The following ARHGAP32 variants were observed in gnomAD, a reference collection of about 807,000 sequenced individuals.
ARHGAP32 encodes rho GTPase-activating protein 32.
Under a neutral mutation model 186.5 loss-of-function variants are expected in ARHGAP32, and 51 were observed. That is an observed-to-expected ratio of 0.27 (90% CI 0.22 to 0.35). The LOEUF is 0.35. ARHGAP32 is among the 10% of genes least tolerant of loss of function. The pLI is 1.00. For missense variants in ARHGAP32, 2,186 were observed against 2,623.5 expected, an observed-to-expected ratio of 0.83 and a Z score of 3.64; for synonymous variants, 950 against 964.3, an observed-to-expected ratio of 0.99 and a Z score of 0.27.
chr11:128,980,884 AG>A, intron 17 of ARHGAP32, 136 bp from the exon 18 acceptor site: 1 of 614,518 alleles, frequency 1.6e-6, no homozygotes, highest in Middle Eastern at 4.0e-4. Flanking sequence ...CAAAAACCAT[AG>A]TGCTTTATAT....
At chr11:129,178,153 C>A (rs1943962205) in intron 1 of ARHGAP32, among the ~76,000 whole-genome samples, 1 of 151,626 alleles carries the variant, frequency 6.6e-6, no homozygotes, top group African/African-American at 2.4e-5. Context: ...CAACAACAGA[C>A]AAACAGAGAG....
intron 1 of ARHGAP32, among the ~76,000 whole-genome samples, chr11:129,250,031 T>A (rs1945158151): frequency 6.6e-6 from 1 of 150,650 alleles, no homozygotes; most frequent in Non-Finnish European, 1.5e-5. Flanking sequence ...CTGGGCAACA[T>A]AGGGAGATCT....
At chr11:129,026,124 G>A (rs796728892) in intron 11 of ARHGAP32, among the ~76,000 whole-genome samples, 1 of 151,948 alleles carries the variant, frequency 6.6e-6, no homozygotes, top group African/African-American at 2.4e-5. Flanking sequence ...TGGTGAATTT[G>A]GAGTAAGGTC....
rs746280037 is a variant in ARHGAP32 at position 128,980,580 on chromosome 11, T to C, written c.1949A>G (p.His650Arg). ...EGPAALQGKF[H>R]TIIEFPLERK... ...TTCAAGTGGGAACTCAATTATGGTA[T>C]GAAATTTCCCCTGAAGTGCAGCAGG... Residue 650 changes from histidine to arginine, a missense_variant, in exon 18 of 23, where the codon CAT becomes CGT. Physicochemically the swap from His to Arg is conservative, Grantham distance 29 (BLOSUM62 0). Coordinates refer to ENST00000682385, the MANE Select transcript of ARHGAP32 (RefSeq NM_001378024.1). 3 of 1,612,436 alleles carry C rather than the reference T, an allele frequency of 1.9e-6. No individual in the cohort carries two copies. The highest frequency in any genetic ancestry group is 1.3e-5 in the African/African-American group (1 of 74,982).
intron 1 of ARHGAP32, among the ~76,000 whole-genome samples, chr11:129,206,288 T>G (rs1443422063): frequency 6.6e-6 from 1 of 152,130 alleles, no homozygotes; most frequent in Non-Finnish European, 1.5e-5. Context: ...CATAACTCAC[T>G]GCAGCATCAA....
At chr11:129,091,487 A>G (rs1247313978) in intron 6 of ARHGAP32, among the ~76,000 whole-genome samples, 1 of 152,168 alleles carries the variant, frequency 6.6e-6, no homozygotes, top group African/African-American at 2.4e-5. Context: ...AAAAGATCAC[A>G]GCCAATCAAT....
chr11:129,193,594 GT>G (rs1249396832), upstream of ARHGAP32, among the ~76,000 whole-genome samples: 40 of 57,862 alleles, frequency 6.9e-4, no homozygotes, highest in South Asian at 1.2e-3. Flanking sequence ...TATAATATAT[GT>G]TATATATAAT....
intron 7 of ARHGAP32, among the ~76,000 whole-genome samples, chr11:129,066,325 G>T (rs113267086): frequency 1.3e-5 from 2 of 151,778 alleles, no homozygotes; most frequent in Non-Finnish European, 2.9e-5. Flanking sequence ...AATCTTTTAC[G>T]TTTTTACTAT....
chr11:129,247,673 C>T (rs567041301), intron 1 of ARHGAP32, among the ~76,000 whole-genome samples: 1 of 152,238 alleles, frequency 6.6e-6, no homozygotes, highest in African/African-American at 2.4e-5. Context: ...AACATTAAAA[C>T]ACTGCAGAAT....
chr11:129,093,721 A>T lies in ARHGAP32; in HGVS notation c.445-14T>A. ...TGAAAGTGAAAGCTACATCACAGAA[A>T]AAAAAGAAGAGGGGGAAAGAAAGTC... On this transcript the variant is annotated splice_polypyrimidine_tract_variant and intron_variant, in intron 5 of 22. Coordinates refer to ENST00000682385, the MANE Select transcript of ARHGAP32 (RefSeq NM_001378024.1). 2 of 1,551,664 alleles carry T rather than the reference A, an allele frequency of 1.3e-6. No homozygotes were observed. The highest frequency in any genetic ancestry group is 1.8e-6 in the Non-Finnish European group (2 of 1,138,870).
chr11:129,242,191 A>C (rs967910203), intron 1 of ARHGAP32, among the ~76,000 whole-genome samples: 3 of 152,076 alleles, frequency 2.0e-5, no homozygotes, highest in Non-Finnish European at 4.4e-5. Context: ...TATGGTGCAA[A>C]ATTTTAGGAG....
chr11:129,101,104 C>T (rs184328701), intron 5 of ARHGAP32, among the ~76,000 whole-genome samples: 77 of 152,234 alleles, frequency 5.1e-4, no homozygotes, highest in African/African-American at 1.3e-3. Context: ...GGGAGCAGAG[C>T]GCTGGTCCCC....
At chr11:129,042,886 G>A (rs925087865) in intron 10 of ARHGAP32, among the ~76,000 whole-genome samples, 2 of 152,090 alleles carry the variant, frequency 1.3e-5, no homozygotes, top group Non-Finnish European at 2.9e-5. Context: ...AGAAGTGACT[G>A]GGAAACTGCT....
intron 1 of ARHGAP32, among the ~76,000 whole-genome samples, chr11:129,252,902 A>G (rs76522330): frequency 0.039 from 5,940 of 152,264 alleles, 157 homozygotes; most frequent in Non-Finnish European, 0.056. Flanking sequence ...CACCTAGAGA[A>G]GCTCCCTGAA....
intron 2 of ARHGAP32, among the ~76,000 whole-genome samples, chr11:129,151,221 A>C (rs766881991): frequency 1.3e-5 from 2 of 152,206 alleles, no homozygotes; most frequent in Non-Finnish European, 2.9e-5. Flanking sequence ...AGGTCTCCCA[A>C]ATTTATAAAA....
chr11:129,050,401 T>A (rs146972793), intron 10 of ARHGAP32, among the ~76,000 whole-genome samples: 19 of 152,310 alleles, frequency 1.2e-4, no homozygotes, highest in Non-Finnish European at 2.5e-4. Context: ...AAATAGCATC[T>A]CAGTATGTTG....
At chr11:129,026,740 G>T (rs1236370202) in intron 11 of ARHGAP32, among the ~76,000 whole-genome samples, 1 of 147,976 alleles carries the variant, frequency 6.8e-6, no homozygotes, top group African/African-American at 2.5e-5. Context: ...GGCAGAGGTT[G>T]CAGTGAGCCA....
At chr11:129,208,984 C>A (rs1488918307) in intron 1 of ARHGAP32, among the ~76,000 whole-genome samples, 6 of 152,036 alleles carry the variant, frequency 3.9e-5, no homozygotes. Flanking sequence ...ACAGTTGTAA[C>A]ACATTCCAAG....
intron 11 of ARHGAP32, among the ~76,000 whole-genome samples, chr11:129,011,188 T>C (rs1938061293): frequency 6.6e-6 from 1 of 152,354 alleles, no homozygotes; most frequent in African/African-American, 2.4e-5. Context: ...CCTAAGTGTT[T>C]ATATTTATTA....
Sources: allele counts gnomAD v4.1 joint callset (sites outside exome capture counted in the v4.1 genomes callset), GRCh38; gene constraint gnomAD v4.1.1; transcripts MANE v1.5; gene names NCBI Gene and HGNC (gene_info 2026-07-23, HGNC 2026-07-21).